ZDHHC11B: variants seen among roughly 807,000 people sequenced by gnomAD.
ZDHHC11B encodes the protein probable palmitoyltransferase ZDHHC11B.
A neutral mutation model predicts 42.3 loss-of-function variants in ZDHHC11B; 17 were observed. That is an observed-to-expected ratio of 0.40 (90% CI 0.27 to 0.60). The LOEUF (loss-of-function observed/expected upper bound fraction) is 0.60. ZDHHC11B is among the 20% of genes least tolerant of loss of function. The pLI is 0.41. For missense variants in ZDHHC11B, 262 were observed against 463.2 expected, an observed-to-expected ratio of 0.57 and a Z score of 3.99; for synonymous variants, 123 against 193.5, an observed-to-expected ratio of 0.64 and a Z score of 3.02.
chr5:733,143 G>A (rs1365501338), intron 11 of ZDHHC11B, among the ~76,000 whole-genome samples: 9 of 150,802 alleles, frequency 6.0e-5, no homozygotes, highest in African/African-American at 1.2e-4. Flanking sequence ...GCCGGCAGCC[G>A]CGCTGGTCTT....
chr5:769,885 C>A (rs1405263545), intron 1 of ZDHHC11B, among the ~76,000 whole-genome samples: 2 of 152,050 alleles, frequency 1.3e-5, no homozygotes, highest in East Asian at 1.9e-4. Flanking sequence ...GCCTTAAAGG[C>A]CTCTCGGCAG....
intron 1 of ZDHHC11B, among the ~76,000 whole-genome samples, chr5:777,786 C>G (rs1428784569): frequency 6.6e-6 from 1 of 151,992 alleles, no homozygotes; most frequent in Non-Finnish European, 1.5e-5. Flanking sequence ...CTGAGCCCCG[C>G]AGCAGGCGGA....
At chr5:753,080 CCAGCG>C in intron 6 of ZDHHC11B, among the ~76,000 whole-genome samples, 1 of 128,500 alleles carries the variant, frequency 7.8e-6, no homozygotes, top group Non-Finnish European at 1.8e-5. Flanking sequence ...GAGTCCGAGG[CCAGCG>C]CTCGCAGTCT....
rs1479873740 is a variant in ZDHHC11B at position 750,492 on chromosome 5, G to A, written c.628+641C>T. ...CTCGTGGCTAGATTTGGGCTCCCTG[G>A]GACATCCCAGCATGACCCTCCCACC... is the stretch of plus-strand genomic sequence containing the variant. On this transcript the variant is annotated intron_variant, in intron 7 of 13. Transcript: ENST00000508859. Among the ~76,000 whole-genome samples, 2 of 130,466 alleles carry A rather than the reference G, an allele frequency of 1.5e-5. 1 individual carries two copies. The highest frequency in any genetic ancestry group is 3.4e-5 in the Non-Finnish European group (2 of 58,482). 85.6% of individuals were successfully genotyped at this position (130,466 alleles called of 152,430 possible).
intron 1 of ZDHHC11B, among the ~76,000 whole-genome samples, chr5:777,185 T>C (rs1434467488): frequency 6.6e-6 from 1 of 151,918 alleles, no homozygotes; most frequent in Non-Finnish European, 1.5e-5. Flanking sequence ...GGTGGGTTCG[T>C]GGTCTCGCTG....
chr5:715,285 A>T (rs1350253492), intron 13 of ZDHHC11B, among the ~76,000 whole-genome samples: 4 of 150,038 alleles, frequency 2.7e-5, no homozygotes, highest in African/African-American at 9.9e-5. Flanking sequence ...TTTGCAGATT[A>T]TTTGCAAGTT....
intron 7 of ZDHHC11B, among the ~76,000 whole-genome samples, chr5:750,095 C>CG (rs1244148513): frequency 9.4e-6 from 1 of 106,134 alleles, no homozygotes; most frequent in Non-Finnish European, 2.0e-5. Flanking sequence ...TCTCACCACC[C>CG]GGGCTGTGTG....
chr5:751,738 C>G (rs115430288), intron 6 of ZDHHC11B, among the ~76,000 whole-genome samples: 3,955 of 126,562 alleles, frequency 0.031, 210 homozygotes, highest in African/African-American at 0.097. Context: ...TCTGTGCCAT[C>G]CTGTGACGCC....
At chr5:720,236 C>G (rs758419128) in intron 12 of ZDHHC11B, among the ~76,000 whole-genome samples, 3 of 151,784 alleles carry the variant, frequency 2.0e-5, no homozygotes, top group Non-Finnish European at 4.4e-5. Flanking sequence ...GTTAGATTGT[C>G]AAGGCATAGA....
chr5:722,927 TA>T (rs1202917569), intron 12 of ZDHHC11B, among the ~76,000 whole-genome samples: 72 of 149,614 alleles, frequency 4.8e-4, no homozygotes, highest in African/African-American at 6.6e-4. Flanking sequence ...TCCTTTCTGT[TA>T]AAAAAAAAAT....
intron 12 of ZDHHC11B, among the ~76,000 whole-genome samples, chr5:729,945 G>C (rs2126999122): frequency 1.3e-5 from 2 of 150,736 alleles, no homozygotes. Context: ...GTACCCTTTA[G>C]AATGTGTGCT....
intron 4 of ZDHHC11B, among the ~76,000 whole-genome samples, chr5:761,419 T>A (rs768273382): frequency 1.8e-4 from 28 of 151,716 alleles, no homozygotes; most frequent in Admixed American, 6.6e-5. Context: ...TTTGGGGGTA[T>A]GGGGACTCAG....
chr5:784,230 C>T (rs1737086492), intron 1 of ZDHHC11B, among the ~76,000 whole-genome samples: 1 of 151,650 alleles, frequency 6.6e-6, no homozygotes, highest in Admixed American at 6.6e-5. Context: ...CATTCCAGCC[C>T]TCCACGCCCT....
Position 766,762 on chromosome 5 carries a change from G to C in ZDHHC11B, c.158C>G (p.Ser53Cys). ...AATGAAGATCCTGAAGGTGGCCAAG[G>C]AAAGGCCAACGAAGACAGCCCAAGT... ...VVTWAVFVGL[S>C]LATFRIFIPL... Residue 53 changes from serine (S) to cysteine (C), a missense_variant, in exon 4 of 14, where the codon TCC becomes TGC. Coordinates refer to ENST00000508859, the MANE Select transcript of ZDHHC11B (RefSeq NM_001351303.2). The C allele has an allele frequency of 1.9e-6, 3 of 1,612,458 alleles. No homozygotes were observed. In the South Asian group the frequency reaches 3.3e-5, roughly 18 times the overall value.
At chr5:722,672 G>A (rs1742277442) in intron 12 of ZDHHC11B, among the ~76,000 whole-genome samples, 1 of 151,686 alleles carries the variant, frequency 6.6e-6, no homozygotes, top group African/African-American at 2.4e-5. Flanking sequence ...CTGGAGAAAT[G>A]GTTGCACCTG....
chr5:784,541 T>C (rs1737112773), intron 1 of ZDHHC11B, among the ~76,000 whole-genome samples, 127 bp downstream of exon 1: 1 of 152,238 alleles, frequency 6.6e-6, no homozygotes, highest in African/African-American at 2.4e-5. Context: ...GGCCCGGGAA[T>C]GTGGCTCGGG....
rs1335390277 is a variant in ZDHHC11B, at chr5:711,049, GTGCTCCCATTTCCCAATGCTA to G, written c.*1220_*1240del. On this transcript the variant is annotated 3_prime_UTR_variant, in exon 14 of 14. Transcript: ENST00000508859. Reference sequence around the variant, plus strand: ...CGCTGTGCTCCCAATTCCCAGTACTGTGCTCCCATTTCCCAATGCTATGCTCCCATTTCCCAGTGCTGTGAG... The same window carrying G: ...CGCTGTGCTCCCAATTCCCAGTACTGTGCTCCCATTTCCCAGTGCTGTGAG... 5 of 151,562 alleles carry G rather than the reference GTGCTCCCATTTCCCAATGCTA, an allele frequency of 3.3e-5. No homozygotes were observed. The highest frequency in any genetic ancestry group is 6.8e-5 in the Admixed American group (1 of 14,682). 9.4% of individuals were successfully genotyped at this position (151,562 alleles called of 1,614,324 possible).
intron 1 of ZDHHC11B, among the ~76,000 whole-genome samples, chr5:780,446 G>A (rs1238549123): frequency 2.0e-5 from 3 of 151,372 alleles, no homozygotes; most frequent in South Asian, 2.1e-4. Flanking sequence ...CAGTGTGGAC[G>A]GACCACTCGC....
At chr5:749,274 G>T (rs1341717389) in intron 7 of ZDHHC11B, among the ~76,000 whole-genome samples, 1 of 130,516 alleles carries the variant, frequency 7.7e-6, no homozygotes, top group African/African-American at 2.5e-5. Context: ...CTAAGATATG[G>T]TCCTCTGTGA....
Sources: gnomAD v4.1 joint callset for allele counts (sites outside exome capture counted in the v4.1 genomes callset) on GRCh38, gnomAD v4.1.1 for gene constraint, MANE v1.5 for transcripts, NCBI Gene and HGNC (gene_info 2026-07-23, HGNC 2026-07-21) for gene names.